PTPRO: variants seen among roughly 807,000 people sequenced by gnomAD.
PTPRO encodes protein tyrosine phosphatase receptor type O.
Under a neutral mutation model 145.2 loss-of-function variants are expected in PTPRO, and 62 were observed. That is an observed-to-expected ratio of 0.43 (90% CI 0.35 to 0.53). The LOEUF is 0.53. Among genes scored for constraint, PTPRO ranks in the 20% least tolerant of loss-of-function variants. The pLI is 0.01. For missense variants in PTPRO, 1,345 were observed against 1,482.7 expected (o/e 0.91, Z 1.53); for synonymous variants, 565 against 514.7 (o/e 1.10, Z -1.32).
intron 1 of PTPRO, among the ~76,000 whole-genome samples, chr12:15,432,904 T>C (rs1470011589): frequency 6.6e-6 from 1 of 152,232 alleles, no homozygotes; most frequent in Non-Finnish European, 1.5e-5. Flanking sequence ...ATTAGATCTT[T>C]GTCAGATACA....
intron 23 of PTPRO, among the ~76,000 whole-genome samples, chr12:15,584,685 G>C (rs938454887): frequency 1.3e-5 from 2 of 152,062 alleles, no homozygotes; most frequent in Non-Finnish European, 2.9e-5. Flanking sequence ...TACAATGAAG[G>C]CTAAGTTGCC....
In PTPRO at chr12:15,546,566, C is replaced by T. The variant is rs1397770660; in HGVS notation, c.2165-3C>T. On this transcript the variant is annotated splice_region_variant and splice_polypyrimidine_tract_variant and intron_variant, in intron 12 of 26. Coordinates refer to ENST00000281171, the MANE Select transcript of PTPRO (RefSeq NM_030667.3). ...TTTTTTTTAAAACTTTGTCTTTGCT[C>T]AGAACCAGCTCCACCCAAATCACTC... 3 of 1,598,780 alleles carry T rather than the reference C, an allele frequency of 1.9e-6. No individual in the cohort carries two copies. The highest frequency in any genetic ancestry group is 1.7e-5 in the Admixed American group (1 of 58,188).
intron 1 of PTPRO, among the ~76,000 whole-genome samples, chr12:15,393,142 G>C (rs1939237767): frequency 6.6e-6 from 1 of 151,982 alleles, no homozygotes; most frequent in African/African-American, 2.4e-5. Flanking sequence ...TTGAAGTTCT[G>C]CCTTCCACAT....
At chr12:15,502,506 T>C (rs988391591) in intron 5 of PTPRO, among the ~76,000 whole-genome samples, 3 of 152,208 alleles carry the variant, frequency 2.0e-5, no homozygotes, top group African/African-American at 7.2e-5. Context: ...CTCAAGAATA[T>C]GAGGCATGTG....
At chr12:15,477,907 C>T (rs1208257529) in intron 1 of PTPRO, among the ~76,000 whole-genome samples, 1 of 152,188 alleles carries the variant, frequency 6.6e-6, no homozygotes, top group African/African-American at 2.4e-5. Flanking sequence ...CCCACCACCA[C>T]ACTATACACT....
At chr12:15,384,200 G>T (rs916799247) in intron 1 of PTPRO, among the ~76,000 whole-genome samples, 1 of 152,112 alleles carries the variant, frequency 6.6e-6, no homozygotes. Flanking sequence ...CCATTCAGTT[G>T]GTTGGGGGCC....
chr12:15,505,885 C>T (rs1484556162), intron 6 of PTPRO, among the ~76,000 whole-genome samples: 2 of 152,144 alleles, frequency 1.3e-5, no homozygotes, highest in Non-Finnish European at 2.9e-5. Context: ...GCTTTGAATG[C>T]CTTCCCAGAG....
At chr12:15,513,071 G>GGAAAGAAA (rs138110186) in intron 7 of PTPRO, among the ~76,000 whole-genome samples, 15 of 52,930 alleles carry the variant, frequency 2.8e-4, no homozygotes, top group African/African-American at 7.8e-4. Context: ...AGAGAAAGAA[G>GGAAAGAAA]GAAAGAAAGA....
chr12:15,574,207 C>A (rs76104722), intron 19 of PTPRO, among the ~76,000 whole-genome samples: 6,005 of 152,116 alleles, frequency 0.039, 388 homozygotes, highest in African/African-American at 0.14. Flanking sequence ...GAATAAATTT[C>A]TTTTTTACTC....
At chr12:15,544,230 G>A (rs1268467692) in intron 12 of PTPRO, among the ~76,000 whole-genome samples, 2 of 152,086 alleles carry the variant, frequency 1.3e-5, no homozygotes, top group Admixed American at 1.3e-4. Context: ...GGGGGTGGTG[G>A]CTCATGCCTA....
At position 15,497,327 on chromosome 12, in the gene PTPRO, A is replaced by C. The variant is rs1392650215; in HGVS notation, c.432A>C (p.Pro144=). The C allele has an allele frequency of 7.5e-6, 12 of 1,608,474 alleles. No individual in the cohort carries two copies. The highest frequency in any genetic ancestry group is 1.0e-5 in the Non-Finnish European group (12 of 1,175,046). Residue 144 remains proline (P), a synonymous_variant, in exon 3 of 27, where the codon CCA becomes CCC. Transcript: ENST00000281171. Reference sequence around the variant, plus strand: ...GAGTCCTGTTTGAAATACATTATCCAGAAAAATATAACGTTTTCACAAGAG... The same window carrying C: ...GAGTCCTGTTTGAAATACATTATCCCGAAAAATATAACGTTTTCACAAGAG... ...ETGVLFEIHY[P]EKYNVFTRVN... is the part of the protein sequence containing the mutation.
At chr12:15,355,993 A>G (rs952728510) in intron 1 of PTPRO, among the ~76,000 whole-genome samples, 2 of 152,240 alleles carry the variant, frequency 1.3e-5, no homozygotes, top group Non-Finnish European at 2.9e-5. Context: ...ACAGAAAATG[A>G]CAGGCGTAAG....
At chr12:15,481,156 A>G (rs1374064410) in intron 1 of PTPRO, among the ~76,000 whole-genome samples, 1 of 152,166 alleles carries the variant, frequency 6.6e-6, no homozygotes, top group Non-Finnish European at 1.5e-5. Flanking sequence ...TCTTGCCCAA[A>G]CAATGAAATG....
At chr12:15,346,956 G>A (rs535572357) in intron 1 of PTPRO, among the ~76,000 whole-genome samples, 1 of 152,046 alleles carries the variant, frequency 6.6e-6, no homozygotes, top group East Asian at 1.9e-4. Context: ...ATTTTTCTCT[G>A]TTCCTCACAC....
chr12:15,551,563 A>T lies in PTPRO; in HGVS notation c.2450A>T (p.Asn817Ile). 6.2e-7 allele frequency: 1 copy of T among 1,613,586 alleles called. No individual in the cohort carries two copies. The highest frequency in any genetic ancestry group is 8.5e-7 in the Non-Finnish European group (1 of 1,179,820). ...IAVSTMVTEM[N>I]PNVVVISVLA... ...CTTATCTCTTTAGTTACAGAGATGA[A>T]TCCCAATGTGGTAGTGATCTCCGTG... is the stretch of plus-strand genomic sequence containing the variant. Residue 817 changes from asparagine (N) to isoleucine (I), a missense_variant, in exon 15 of 27, where the codon AAT (asparagine) becomes ATT (isoleucine). Physicochemically the swap from Asn to Ile is moderately radical, Grantham distance 149. Coordinates refer to ENST00000281171, the MANE Select transcript of PTPRO (RefSeq NM_030667.3).
At chr12:15,421,058 G>A (rs1179320471) in intron 1 of PTPRO, among the ~76,000 whole-genome samples, 1 of 152,044 alleles carries the variant, frequency 6.6e-6, no homozygotes, top group Non-Finnish European at 1.5e-5. Flanking sequence ...TGCCATTATT[G>A]TTTATTTATC....
intron 1 of PTPRO, among the ~76,000 whole-genome samples, chr12:15,454,576 G>A (rs1941127053): frequency 6.7e-6 from 1 of 149,476 alleles, no homozygotes; most frequent in Non-Finnish European, 1.5e-5. Flanking sequence ...GTTTGATATA[G>A]TCTGTTGTCT....
At chr12:15,575,725 C>T (rs1173363652) in intron 19 of PTPRO, among the ~76,000 whole-genome samples, 1 of 152,202 alleles carries the variant, frequency 6.6e-6, no homozygotes, top group Non-Finnish European at 1.5e-5. Flanking sequence ...AACTTATTCT[C>T]ACAATTGCAG....
intron 15 of PTPRO, among the ~76,000 whole-genome samples, chr12:15,552,000 G>C (rs1943474434): frequency 7.5e-6 from 1 of 134,076 alleles, no homozygotes; most frequent in Admixed American, 9.1e-5. Context: ...ATCTATGACA[G>C]TTCAGTATAG....
Sources: gnomAD v4.1 joint callset for allele counts (sites outside exome capture counted in the v4.1 genomes callset) on GRCh38, gnomAD v4.1.1 for gene constraint, MANE v1.5 for transcripts, NCBI Gene and HGNC (gene_info 2026-07-23, HGNC 2026-07-21) for gene names.